The following APBA2 variants were observed in gnomAD, a reference collection of about 807,000 sequenced individuals.
APBA2 encodes the protein amyloid beta precursor protein binding family A member 2, also known as amyloid-beta A4 precursor protein-binding family A member 2.
In APBA2, 30 loss-of-function variants were observed where a neutral mutation model predicts 75.0. The ratio of observed to expected loss-of-function variants is 0.40; its 90% CI spans 0.30 to 0.54. The LOEUF (loss-of-function observed/expected upper bound fraction) is 0.54. Ranked by LOEUF, APBA2 falls within the 20% of genes least tolerant of loss-of-function variation. The probability of loss-of-function intolerance (pLI) is 0.49; values close to 1 mark genes in which losing one functional copy is unlikely to be tolerated. For synonymous variants in APBA2, 444 were observed against 409.6 expected (o/e 1.08, Z -1.01); for missense variants, 801 against 1,016.1 (o/e 0.79, Z 2.88).
At chr15:29,109,660 G>A (rs1448003258) in intron 13 of APBA2, among the ~76,000 whole-genome samples, 2 of 152,224 alleles carry the variant, frequency 1.3e-5, no homozygotes, top group East Asian at 3.9e-4. Context: ...ACGGACCCAT[G>A]GGGAGGCTGG....
At chr15:29,009,134 C>T (rs1206910089) in intron 3 of APBA2, among the ~76,000 whole-genome samples, 1 of 152,198 alleles carries the variant, frequency 6.6e-6, no homozygotes, top group Non-Finnish European at 1.5e-5. Flanking sequence ...GCAGTGTTTA[C>T]AGTACCATGA....
chr15:29,105,158 C>T (rs1468637701), intron 10 of APBA2, among the ~76,000 whole-genome samples: 2 of 152,232 alleles, frequency 1.3e-5, no homozygotes, highest in African/African-American at 4.8e-5. Flanking sequence ...GGGTTCAGGG[C>T]AACACTGGGG....
chr15:28,934,493 G>A lies in APBA2; in HGVS notation c.-95+12744G>A, dbSNP rs573781035. On this transcript the variant is annotated intron_variant, in intron 2 of 14. Coordinates refer to ENST00000683413, the MANE Select transcript of APBA2 (RefSeq NM_001353788.2). ...TTAGAGGCAGGACGAAGACCTTGTA[G>A]TGACCAGTGACATCCCCACAGGGTC... is the stretch of plus-strand genomic sequence containing the variant. Among the ~76,000 whole-genome samples, 592 of 152,310 alleles carry A rather than the reference G, an allele frequency of 3.9e-3. 2 individuals carry two copies. The highest frequency in any genetic ancestry group is 6.8e-3 in the Non-Finnish European group (462 of 68,028).
chr15:28,977,560 C>T (rs1442034935), intron 2 of APBA2: 1 of 152,142 alleles, frequency 6.6e-6, no homozygotes, highest in Admixed American at 6.5e-5. Context: ...TGATTCAGCC[C>T]CATGCCATCC....
At chr15:28,978,685 A>G (rs2037467039) in intron 2 of APBA2, among the ~76,000 whole-genome samples, 1 of 152,186 alleles carries the variant, frequency 6.6e-6, no homozygotes, top group African/African-American at 2.4e-5. Flanking sequence ...TTGTCTTGGC[A>G]TGAAGTTCCT....
rs183040255 is a variant in APBA2, at chr15:28,922,240, C to T, written c.-95+491C>T. On this transcript the variant is annotated intron_variant, in intron 2 of 14. Transcript: ENST00000683413. Reference sequence around the variant, plus strand: ...AGAAAGTGGGCAGGTTCTTTCCGCTCGACCTGGCAATAACAATTCCTAAAT... The same window carrying T: ...AGAAAGTGGGCAGGTTCTTTCCGCTTGACCTGGCAATAACAATTCCTAAAT... Among the ~76,000 whole-genome samples, 48 of 152,268 alleles carry T rather than the reference C, an allele frequency of 3.2e-4. No individual in the cohort carries two copies. In the East Asian group the frequency reaches 7.9e-3, roughly 25 times the overall value.
intron 2 of APBA2, among the ~76,000 whole-genome samples, chr15:28,962,298 G>A (rs1399705380): frequency 1.3e-5 from 2 of 152,078 alleles, no homozygotes; most frequent in Admixed American, 6.5e-5. Context: ...TCGGCTGGGC[G>A]CGGTGGCTCA....
intron 3 of APBA2, among the ~76,000 whole-genome samples, chr15:29,005,899 T>C (rs2039090446): frequency 6.6e-6 from 1 of 151,484 alleles, no homozygotes; most frequent in Non-Finnish European, 1.5e-5. Context: ...AAATATTGCT[T>C]TGACAGTTAG....
chr15:29,014,172 C>A (rs1223140909), intron 3 of APBA2, among the ~76,000 whole-genome samples: 2 of 152,200 alleles, frequency 1.3e-5, no homozygotes, highest in African/African-American at 2.4e-5. Flanking sequence ...TGTGCTCATG[C>A]AGGTAGCTCC....
intron 2 of APBA2, among the ~76,000 whole-genome samples, chr15:28,976,146 T>A (rs2037324816): frequency 6.6e-6 from 1 of 152,256 alleles, no homozygotes; most frequent in Non-Finnish European, 1.5e-5. Context: ...TTTTGGCTAC[T>A]GTCCCAGTGG....
Position 29,057,032 on chromosome 15 carries a change from A to G in APBA2, c.951+2197A>G, listed in dbSNP as rs1373637622. On this transcript the variant is annotated intron_variant, in intron 4 of 14. Transcript: ENST00000683413. ...AGCCAGGCCGTGCCAGGAGCCAACA[A>G]AGGCCTGGCCTCAAGCAGGTGCACA... Among the ~76,000 whole-genome samples, 5 of 152,080 alleles carry G rather than the reference A, an allele frequency of 3.3e-5. No individual in the cohort carries two copies. The East Asian group carries it at 9.7e-4, about 29-fold the overall frequency.
At chr15:28,941,320 G>A (rs896441848) in intron 2 of APBA2, among the ~76,000 whole-genome samples, 2 of 152,062 alleles carry the variant, frequency 1.3e-5, no homozygotes, top group African/African-American at 2.4e-5. Context: ...CACACTGCCC[G>A]GGAGCTGGTC....
chr15:29,057,023 G>A (rs868639363), intron 4 of APBA2, among the ~76,000 whole-genome samples: 5 of 152,204 alleles, frequency 3.3e-5, no homozygotes, highest in African/African-American at 1.2e-4. Flanking sequence ...GCCGTGCCAG[G>A]AGCCAACAAA....
intron 3 of APBA2, among the ~76,000 whole-genome samples, chr15:29,039,789 A>G (rs968819644): frequency 1.2e-4 from 19 of 152,222 alleles, no homozygotes; most frequent in Admixed American, 1.3e-4. Context: ...ATCTGTAAAG[A>G]GATCCATGGA....
intron 1 of APBA2, among the ~76,000 whole-genome samples, chr15:28,886,544 C>T (rs865941690): frequency 4.7e-4 from 71 of 150,990 alleles, no homozygotes; most frequent in African/African-American, 1.6e-3. Flanking sequence ...GGCGGCGGCT[C>T]TCGCATCCCG....
At position 29,041,210 on chromosome 15, in the gene APBA2, T is replaced by C. The variant is rs139039499; in HGVS notation, c.-40-12635T>C. ...TGAGTAGGCCAGGTGTGATGGCTCA[T>C]GCCTGTAGTCTCAGCACTTTGGGAG... is the stretch of plus-strand genomic sequence containing the variant. On this transcript the variant is annotated intron_variant, in intron 3 of 14. Coordinates refer to ENST00000683413, the MANE Select transcript of APBA2 (RefSeq NM_001353788.2). Among the ~76,000 whole-genome samples, 268 of 152,288 alleles carry C rather than the reference T, an allele frequency of 1.8e-3. 3 individuals are homozygous for C. The highest frequency in any genetic ancestry group is 3.4e-3 in the Middle Eastern group (1 of 294).
chr15:29,020,831 A>AC (rs2039917048), intron 3 of APBA2, among the ~76,000 whole-genome samples: 1 of 151,808 alleles, frequency 6.6e-6, no homozygotes, highest in African/African-American at 2.4e-5. Flanking sequence ...AGACAAAACG[A>AC]CCTCCTCCCA....
rs754051972 is a variant in APBA2 at position 29,054,620 on chromosome 15, A to T, written c.736A>T (p.Ser246Cys). The change falls in exon 4 of 15, where the codon AGT becomes TGT. Residue 246 changes from serine (S) to cysteine (C), a missense_variant. Physicochemically the swap from Ser to Cys is moderately radical, Grantham distance 112. Coordinates refer to ENST00000683413, the MANE Select transcript of APBA2 (RefSeq NM_001353788.2). The surrounding 1 kb of genome is among the most constrained non-coding windows in gnomAD (Gnocchi z 6.1). ...GAGCATGACCAGCATCACCAGCGCC[A>T]GTGAGGCCAGCCCCGAGCATGGGCC... ...SLSMTSITSA[S>C]EASPEHGPEP... is the part of the protein sequence containing the mutation. 1 of 1,614,148 alleles carries T rather than the reference A, an allele frequency of 6.2e-7. No individual in the cohort carries two copies. Among genetic ancestry groups the T allele is most frequent in the Non-Finnish European group, 8.5e-7 (1 of 1,180,020 alleles).
intron 3 of APBA2, among the ~76,000 whole-genome samples, chr15:29,045,245 ATTT>A (rs35591033): frequency 1.5e-5 from 2 of 134,352 alleles, no homozygotes; most frequent in African/African-American, 2.8e-5. Context: ...TGCCTGGCTA[ATTT>A]TTTTTTTTTT....
Sources: gnomAD v4.1 joint callset for allele counts (sites outside exome capture counted in the v4.1 genomes callset) on GRCh38, gnomAD v4.1.1 for gene constraint, Gnocchi (gnomAD v3.1) non-coding constraint, MANE v1.5 for transcripts, NCBI Gene and HGNC (gene_info 2026-07-23, HGNC 2026-07-21) for gene names.